The following ATG10 variants were observed in gnomAD, a reference collection of about 807,000 sequenced individuals.
ATG10 encodes the protein ubiquitin-like-conjugating enzyme ATG10.
Under a neutral mutation model 32.1 loss-of-function variants are expected in ATG10, and 30 were observed. That is an observed-to-expected ratio of 0.94 (90% CI 0.70 to 1.27). The LOEUF is 1.27. Ranked by LOEUF, ATG10 falls within the 50% of genes most tolerant of loss-of-function variation. ATG10 has a pLI of 0.00. For synonymous variants in ATG10, 87 were observed against 91.5 expected, an observed-to-expected ratio of 0.95 and a Z score of 0.28; for missense variants, 233 against 262.3, an observed-to-expected ratio of 0.89 and a Z score of 0.77.
intron 3 of ATG10, among the ~76,000 whole-genome samples, chr5:82,100,368 C>T (rs1467500121): frequency 6.6e-6 from 1 of 151,992 alleles, no homozygotes; most frequent in Non-Finnish European, 1.5e-5. Context: ...TGACTGCCTC[C>T]CCATCCCCAC....
Position 81,987,637 on chromosome 5 carries a change from T to G in ATG10, c.67T>G (p.Ser23Ala). ...TTATTGTGCAGAATTCATTAAACATTCACAACAGATAGGTGATAGTTGGGA... is the reference window on the plus strand; with the variant it reads ...TTATTGTGCAGAATTCATTAAACATGCACAACAGATAGGTGATAGTTGGGA... ...QRYCAEFIKHSQQIGDSWEWR... is the reference protein window; with the variant it reads ...QRYCAEFIKHAQQIGDSWEWR... Residue 23 changes from serine (S) to alanine (A), a missense_variant, in exon 2 of 8, where the codon TCA becomes GCA. Coordinates refer to ENST00000282185, the MANE Select transcript of ATG10 (RefSeq NM_031482.5). The G allele has an allele frequency of 6.2e-7, 1 of 1,613,046 alleles. No individual in the cohort carries two copies. The highest frequency in any genetic ancestry group is 8.5e-7 in the Non-Finnish European group (1 of 1,179,644).
intron 3 of ATG10, among the ~76,000 whole-genome samples, chr5:82,139,561 C>G (rs1310210821): frequency 4.0e-5 from 6 of 149,222 alleles, no homozygotes; most frequent in Admixed American, 1.3e-4. Context: ...AGGAGCGTCT[C>G]TGCCCGGCCG....
intron 2 of ATG10, among the ~76,000 whole-genome samples, chr5:82,045,769 C>T (rs1296376553): frequency 6.6e-6 from 1 of 151,600 alleles, no homozygotes; most frequent in East Asian, 1.9e-4. Flanking sequence ...GGATTCTATC[C>T]TCCCTCTTTC....
chr5:82,014,230 A>T (rs908537509), intron 2 of ATG10, among the ~76,000 whole-genome samples: 1 of 152,176 alleles, frequency 6.6e-6, no homozygotes, highest in Non-Finnish European at 1.5e-5. Context: ...ACATTTGCTG[A>T]GGAGTGCTTT....
intron 5 of ATG10, among the ~76,000 whole-genome samples, chr5:82,216,092 G>A (rs1745669162): frequency 6.6e-6 from 1 of 152,132 alleles, no homozygotes; most frequent in African/African-American, 2.4e-5. Context: ...AAATCAAATT[G>A]CCTTTCTGCA....
intron 3 of ATG10, among the ~76,000 whole-genome samples, chr5:82,061,664 T>A (rs1215131926): frequency 6.7e-6 from 1 of 149,206 alleles, no homozygotes; most frequent in Non-Finnish European, 1.5e-5. Flanking sequence ...ATGTGTATTA[T>A]ACATATATAC....
chr5:82,252,495 C>A, intron 5 of ATG10, 67 bp from the exon 6 acceptor site: 2 of 911,926 alleles, frequency 2.2e-6, no homozygotes, highest in Non-Finnish European at 1.8e-6. Flanking sequence ...AGGAGTAAAC[C>A]AGATAAATTA....
chr5:82,173,758 A>G, intron 4 of ATG10, among the ~76,000 whole-genome samples: 1 of 152,180 alleles, frequency 6.6e-6, no homozygotes, highest in East Asian at 1.9e-4. Context: ...TTGTTGATTG[A>G]GTATGCTTAT....
chr5:82,221,332 T>C (rs1157580844), intron 5 of ATG10, among the ~76,000 whole-genome samples: 1 of 152,226 alleles, frequency 6.6e-6, no homozygotes, highest in Admixed American at 6.5e-5. Flanking sequence ...TTGTTTTGTT[T>C]TGGGAAACAT....
At chr5:81,977,314 C>T (rs1180274236) in intron 1 of ATG10, among the ~76,000 whole-genome samples, 1 of 152,188 alleles carries the variant, frequency 6.6e-6, no homozygotes, top group Admixed American at 6.5e-5. Context: ...TAATTCCTTA[C>T]CTACTTCCCA....
At chr5:82,058,624 G>GTTC (rs751866062) in intron 3 of ATG10, 22 bp downstream of exon 3, 1 of 1,471,356 alleles carries the variant, frequency 6.8e-7, no homozygotes, top group African/African-American at 1.4e-5. Context: ...AATGCATCAT[G>GTTC]TTCTTTTCAG....
At chr5:82,173,107 T>C (rs920500886) in intron 4 of ATG10, among the ~76,000 whole-genome samples, 3 of 152,204 alleles carry the variant, frequency 2.0e-5, no homozygotes, top group African/African-American at 7.2e-5. Context: ...CAGAACATTA[T>C]TCTTAAACTT....
chr5:82,055,082 G>A (rs558573055), intron 2 of ATG10, among the ~76,000 whole-genome samples: 154 of 152,158 alleles, frequency 1.0e-3, no homozygotes, highest in Middle Eastern at 3.4e-3. Context: ...CTCTAAAAAA[G>A]CATCCTTCAA....
chr5:82,157,940 A>G (rs1052086072), intron 3 of ATG10, among the ~76,000 whole-genome samples: 2 of 152,350 alleles, frequency 1.3e-5, no homozygotes, highest in East Asian at 3.9e-4. Flanking sequence ...ACGTTTGCTC[A>G]GTAATAGTAA....
At chr5:82,140,026 G>A (rs1767015242) in intron 3 of ATG10, among the ~76,000 whole-genome samples, 1 of 129,740 alleles carries the variant, frequency 7.7e-6, no homozygotes. Context: ...GAAGTGAGGA[G>A]CCCCTCTGCC....
At chr5:81,999,143 C>CAAAAAAAAAAAAAAAAAAAAAAAAAAA (rs370637760) in intron 2 of ATG10, among the ~76,000 whole-genome samples, 1 of 116,542 alleles carries the variant, frequency 8.6e-6, no homozygotes, top group Non-Finnish European at 1.8e-5. Flanking sequence ...AATCCTCAGC[C>CAAAAAAAAAAAAAAAAAAAAAAAAAAA]AAAAAAAAAA....
intron 3 of ATG10, among the ~76,000 whole-genome samples, chr5:82,141,827 C>CACCCAT (rs1363179914): frequency 6.6e-6 from 1 of 151,878 alleles, no homozygotes; most frequent in Non-Finnish European, 1.5e-5. Flanking sequence ...TACACACACA[C>CACCCAT]ACCCATACCC....
At chr5:82,044,681 A>C (rs569222448) in intron 2 of ATG10, among the ~76,000 whole-genome samples, 12 of 152,292 alleles carry the variant, frequency 7.9e-5, no homozygotes, top group Admixed American at 4.6e-4. Flanking sequence ...TTTGGACCAC[A>C]GCTAAGGCAT....
chr5:82,151,549 T>C (rs1157454535), intron 3 of ATG10, among the ~76,000 whole-genome samples: 1 of 152,048 alleles, frequency 6.6e-6, no homozygotes. Context: ...TGGGATGATA[T>C]TATTCAATTT....
Sources: gnomAD v4.1 joint callset for allele counts (sites outside exome capture counted in the v4.1 genomes callset) on GRCh38, gnomAD v4.1.1 for gene constraint, MANE v1.5 for transcripts, NCBI Gene and HGNC (gene_info 2026-07-23, HGNC 2026-07-21) for gene names.